The following TP53BP1 variants were observed in gnomAD, a reference collection of about 807,000 sequenced individuals.
The protein encoded by TP53BP1 is tumor protein p53 binding protein 1.
Under a neutral mutation model 200.8 loss-of-function variants are expected in TP53BP1, and 61 were observed. The observed-to-expected ratio is 0.30, with a 90% CI of 0.25 to 0.38. The LOEUF is 0.38. TP53BP1 is among the 10% of genes least tolerant of loss of function. The probability of loss-of-function intolerance (pLI) is 1.00; values close to 1 mark genes in which losing one functional copy is unlikely to be tolerated. For synonymous variants in TP53BP1, 822 were observed against 844.3 expected, an observed-to-expected ratio of 0.97 and a Z score of 0.46; for missense variants, 2,144 against 2,371.9, an observed-to-expected ratio of 0.90 and a Z score of 2.00.
In TP53BP1 at chr15:43,446,554, C is replaced by A; in HGVS notation, c.2873G>T (p.Ser958Ile). The A allele has an allele frequency of 6.2e-7, 1 of 1,614,150 alleles. No homozygotes were observed. The highest frequency in any genetic ancestry group is 8.5e-7 in the Non-Finnish European group (1 of 1,180,020). ...CACCATGCTTTCAGACATGACATCA[C>A]TGGTTGCTATGGTGCTTTCTGGATA... ...SNYPESTIAT[S>I]DVMSESMVET... The change falls in exon 14 of 28, where the codon AGT becomes ATT. Residue 958 changes from serine (S) to isoleucine (I), a missense_variant. Ser to Ile is a moderately radical substitution (Grantham distance 142, BLOSUM62 -2). Coordinates refer to ENST00000382044, the MANE Select transcript of TP53BP1 (RefSeq NM_001141980.3).
At chr15:43,419,382 GAC>G (rs1216103905) in intron 21 of TP53BP1, among the ~76,000 whole-genome samples, 2 of 151,798 alleles carry the variant, frequency 1.3e-5, no homozygotes, top group East Asian at 3.9e-4. Flanking sequence ...TTTTTTAAGA[GAC>G]AGGGTCTCAC....
intron 11 of TP53BP1, among the ~76,000 whole-genome samples, chr15:43,469,126 T>G (rs2046659721): frequency 6.6e-6 from 1 of 152,202 alleles, no homozygotes. Flanking sequence ...GTATTTAGAT[T>G]GAATATATAA....
chr15:43,506,428 C>T (rs951597488), intron 1 of TP53BP1, among the ~76,000 whole-genome samples: 2 of 152,132 alleles, frequency 1.3e-5, no homozygotes, highest in Non-Finnish European at 2.9e-5. Flanking sequence ...CTTTTCAAAC[C>T]ATTTGAGATT....
At chr15:43,451,723 T>C (rs557989384) in intron 12 of TP53BP1, among the ~76,000 whole-genome samples, 44 of 152,352 alleles carry the variant, frequency 2.9e-4, no homozygotes, top group African/African-American at 9.9e-4. Flanking sequence ...CTGGGTCAAA[T>C]GGTATTTCTA....
At chr15:43,461,721 T>G (rs2046437713) in intron 11 of TP53BP1, among the ~76,000 whole-genome samples, 1 of 151,748 alleles carries the variant, frequency 6.6e-6, no homozygotes, top group Non-Finnish European at 1.5e-5. Context: ...CAGGCTGAAG[T>G]GCAGTGGCAC....
chr15:43,492,616 C>T (rs1482054556), intron 1 of TP53BP1, 148 bp from the exon 2 acceptor site: 6 of 637,980 alleles, frequency 9.4e-6, no homozygotes, highest in African/African-American at 9.2e-5. Context: ...TTTATAATTG[C>T]TGCAAGCACT....
chr15:43,474,650 A>G, intron 10 of TP53BP1, 23 bp downstream of exon 10: 1 of 1,530,960 alleles, frequency 6.5e-7, no homozygotes, highest in Non-Finnish European at 9.0e-7. Flanking sequence ...TCTGAGATCA[A>G]CAGACAGATC....
Position 43,432,509 on chromosome 15 carries a change from AG to A in TP53BP1, c.3359del (p.Pro1120LeufsTer7). On this transcript the variant is annotated frameshift_variant, in exon 17 of 28. Coordinates refer to ENST00000382044, the MANE Select transcript of TP53BP1 (RefSeq NM_001141980.3). ...CATCTGTCACCATTGCCTCTCCTTGAGGACTGGATGGCCCTTGTATGACCAT... is the reference window on the plus strand; with the variant it reads ...CATCTGTCACCATTGCCTCTCCTTGAGACTGGATGGCCCTTGTATGACCAT... ...QKMVIQGPSS[P>X]QGEAMVTDVL... 6.2e-7 allele frequency: 1 copy of A among 1,614,140 alleles called. No homozygotes were observed. The highest frequency in any genetic ancestry group is 8.5e-7 in the Non-Finnish European group (1 of 1,180,022).
chr15:43,472,480 A>G (rs2046750289), intron 10 of TP53BP1, among the ~76,000 whole-genome samples: 1 of 152,236 alleles, frequency 6.6e-6, no homozygotes, highest in South Asian at 2.1e-4. Flanking sequence ...GAGATAAATT[A>G]GGTAAGTGAA....
At position 43,404,068 on chromosome 15, in the gene TP53BP1, T is replaced by C; in HGVS notation, c.*3315A>G. 1 of 523,222 alleles carries C rather than the reference T, an allele frequency of 1.9e-6. No individual in the cohort carries two copies. 32.4% of individuals were successfully genotyped at this position (523,222 alleles called of 1,614,324 possible). ...GGGTTGTTCTAACTTCCTCACATCC[T>C]CCCCCCTCCTTACTTCCTTGAACTA... On this transcript the variant is annotated 3_prime_UTR_variant, in exon 28 of 28. Transcript: ENST00000382044.
intron 4 of TP53BP1, among the ~76,000 whole-genome samples, chr15:43,491,068 C>T (rs893739263): frequency 2.0e-5 from 3 of 151,584 alleles, no homozygotes; most frequent in Non-Finnish European, 4.4e-5. Context: ...TCTGATAATA[C>T]TCCTAAATTT....
chr15:43,470,211 T>C lies in TP53BP1; in HGVS notation c.1181-145A>G, dbSNP rs74499579. ...TTTTTCAGAAAAGCTGACAGAATAA[T>C]AGTAGACTGGGTCCTAGCAATCTAC... On this transcript the variant is annotated intron_variant, in intron 10 of 27. Transcript: ENST00000382044. 1,068 of 699,030 alleles carry C rather than the reference T, an allele frequency of 1.5e-3. 12 individuals carry two copies. The African/African-American group carries it at 0.017, about 11-fold the overall frequency. 43.3% of individuals were successfully genotyped at this position (699,030 alleles called of 1,614,324 possible).
intron 4 of TP53BP1, among the ~76,000 whole-genome samples, chr15:43,481,449 A>G (rs2078963770): frequency 3.3e-5 from 4 of 120,978 alleles, no homozygotes. Context: ...GAGCTTATAT[A>G]TGTATATAAA....
At position 43,479,516 on chromosome 15, in the gene TP53BP1, A is replaced by G; in HGVS notation, c.669T>C (p.His223=). 2 of 1,608,990 alleles carry G rather than the reference A, an allele frequency of 1.2e-6. No homozygotes were observed. The highest frequency in any genetic ancestry group is 1.7e-6 in the Non-Finnish European group (2 of 1,178,522). Residue 223 remains histidine (H), a synonymous_variant, in exon 7 of 28, where the codon CAT becomes CAC. Transcript: ENST00000382044. ...GGATATCTTCGTTGGACTGTTCTTCATGCTTAATTGCTGAGAGTTTTATAA... is the reference window on the plus strand; with the variant it reads ...GGATATCTTCGTTGGACTGTTCTTCGTGCTTAATTGCTGAGAGTTTTATAA... ...SDVDANTAIK[H]EEQSNEDIPI...
At chr15:43,449,368 A>G (rs2046115537) in intron 12 of TP53BP1, among the ~76,000 whole-genome samples, 1 of 152,252 alleles carries the variant, frequency 6.6e-6, no homozygotes, top group African/African-American at 2.4e-5. Context: ...ACTTCTGAAA[A>G]TGTGCATGAA....
intron 11 of TP53BP1, among the ~76,000 whole-genome samples, chr15:43,466,102 A>G (rs2046573651): frequency 6.6e-6 from 1 of 152,216 alleles, no homozygotes; most frequent in African/African-American, 2.4e-5. Context: ...AGGCTACTAA[A>G]CAATGTCCCC....
chr15:43,476,770 A>G (rs2078889017), intron 8 of TP53BP1, among the ~76,000 whole-genome samples: 1 of 152,206 alleles, frequency 6.6e-6, no homozygotes, highest in South Asian at 2.1e-4. Context: ...TTTTGCTGGT[A>G]ATTAACTCAA....
chr15:43,502,435 T>C (rs2079213938), intron 1 of TP53BP1, among the ~76,000 whole-genome samples: 1 of 152,144 alleles, frequency 6.6e-6, no homozygotes, highest in Admixed American at 6.6e-5. Flanking sequence ...GGTTTGTCAG[T>C]GTGAAGTGAT....
At chr15:43,483,730 A>C (rs561165305) in intron 4 of TP53BP1, among the ~76,000 whole-genome samples, 2 of 152,366 alleles carry the variant, frequency 1.3e-5, no homozygotes, top group South Asian at 4.1e-4. Flanking sequence ...GACTTTGGGA[A>C]ACAGAGGGAA....
Sources: gnomAD v4.1 joint callset for allele counts (sites outside exome capture counted in the v4.1 genomes callset) on GRCh38, gnomAD v4.1.1 for gene constraint, MANE v1.5 for transcripts, NCBI Gene and HGNC (gene_info 2026-07-23, HGNC 2026-07-21) for gene names.